The following SESN1 variants were observed in gnomAD, a reference collection of about 807,000 sequenced individuals.
SESN1 encodes the protein sestrin-1.
A neutral mutation model predicts 59.3 loss-of-function variants in SESN1; 30 were observed. The observed-to-expected ratio is 0.51, with a 90% CI of 0.38 to 0.69. SESN1 has a LOEUF of 0.69. Among genes scored for constraint, SESN1 ranks in the 30% least tolerant of loss-of-function variants. SESN1 has a pLI of 0.00. For synonymous variants in SESN1, 197 were observed against 219.9 expected (o/e 0.90, Z 0.92); for missense variants, 566 against 673.0 (o/e 0.84, Z 1.76).
intron 8 of SESN1, among the ~76,000 whole-genome samples, chr6:108,989,013 CTA>C (rs776841483): frequency 2.6e-5 from 4 of 152,064 alleles, no homozygotes; most frequent in Non-Finnish European, 5.9e-5. Flanking sequence ...GAGGAACAAA[CTA>C]TTATTGAGAC....
chr6:109,027,925 A>G (rs1274390323), intron 1 of SESN1, among the ~76,000 whole-genome samples: 1 of 151,984 alleles, frequency 6.6e-6, no homozygotes, highest in Non-Finnish European at 1.5e-5. Context: ...TGGGTTGGTT[A>G]TTTTCTTGTG....
At chr6:109,072,372 C>A (rs1250554421) in intron 1 of SESN1, among the ~76,000 whole-genome samples, 2 of 152,080 alleles carry the variant, frequency 1.3e-5, no homozygotes, top group African/African-American at 4.8e-5. Context: ...TAGTTTACAA[C>A]AAGTATGTTG....
intron 8 of SESN1, 25 bp downstream of exon 8, chr6:108,990,620 T>C: frequency 1.9e-6 from 3 of 1,610,796 alleles, no homozygotes; most frequent in Non-Finnish European, 2.5e-6. Context: ...AAACATCTCT[T>C]TATAAACACA....
Position 108,987,244 on chromosome 6 carries a change from A to C in SESN1, c.*300T>G, listed in dbSNP as rs1176851911. 3.8e-6 allele frequency: 1 copy of C among 263,152 alleles called. No homozygotes were observed. Among genetic ancestry groups the C allele is most frequent in the Non-Finnish European group, 7.1e-6 (1 of 140,596 alleles). 16.3% of individuals were successfully genotyped at this position (263,152 alleles called of 1,614,324 possible). ...TGTTATCTTATTTAACATAAAAGCAACAGGATTTGGAGAGTTACTATTTGC... is the reference window on the plus strand; with the variant it reads ...TGTTATCTTATTTAACATAAAAGCACCAGGATTTGGAGAGTTACTATTTGC... On this transcript the variant is annotated 3_prime_UTR_variant, in exon 10 of 10. Coordinates refer to ENST00000436639, the MANE Select transcript of SESN1 (RefSeq NM_014454.3).
chr6:109,013,953 A>AT (rs1285613223), intron 1 of SESN1, among the ~76,000 whole-genome samples: 1 of 150,254 alleles, frequency 6.7e-6, no homozygotes, highest in African/African-American at 2.4e-5. Flanking sequence ...TTTTGGGTAC[A>AT]TTAAGATCCT....
chr6:109,021,395 GAGTAGGGGAAA>G (rs988062045), intron 1 of SESN1, among the ~76,000 whole-genome samples: 4 of 152,100 alleles, frequency 2.6e-5, no homozygotes, highest in African/African-American at 9.7e-5. Flanking sequence ...TACAACCCTA[GAGTAGGGGAAA>G]AGTTTGGAGA....
At chr6:109,038,961 GAGA>G (rs775514476) in intron 1 of SESN1, among the ~76,000 whole-genome samples, 4 of 146,748 alleles carry the variant, frequency 2.7e-5, no homozygotes, top group Admixed American at 1.4e-4. Context: ...AGGGAGAAGG[GAGA>G]AGAAGGAAAA....
intron 1 of SESN1, among the ~76,000 whole-genome samples, chr6:109,058,527 T>C (rs1780674626): frequency 6.6e-6 from 1 of 152,158 alleles, no homozygotes; most frequent in East Asian, 1.9e-4. Context: ...CATCATTAGG[T>C]GATGCGTGAC....
At chr6:109,072,007 G>A (rs1346670457) in intron 1 of SESN1, among the ~76,000 whole-genome samples, 2 of 152,106 alleles carry the variant, frequency 1.3e-5, no homozygotes, top group Non-Finnish European at 2.9e-5. Context: ...CAGCTTAAGG[G>A]GTTCAGACAC....
chr6:108,996,859 A>T (rs950876257), intron 5 of SESN1, among the ~76,000 whole-genome samples: 8 of 152,194 alleles, frequency 5.3e-5, no homozygotes, highest in African/African-American at 1.7e-4. Flanking sequence ...ATTCAGTGCT[A>T]AAAAGAAATT....
chr6:109,008,694 A>G (rs1469751817), intron 1 of SESN1: 1 of 782,740 alleles, frequency 1.3e-6, no homozygotes, highest in Non-Finnish European at 1.6e-6. Flanking sequence ...TAACTTTCAA[A>G]TGGTTTCCTA....
At position 109,019,965 on chromosome 6, in the gene SESN1, C is replaced by T. The variant is rs115075357; in HGVS notation, c.280-17622G>A. 7.9e-3 allele frequency among the ~76,000 whole-genome samples: 1,200 copies of T among 152,232 alleles called. 21 individuals carry two copies. Among genetic ancestry groups the T allele is most frequent in the African/African-American group, 0.028 (1,154 of 41,536 alleles). ...TATACATAAGTGGGTTTTAAAAAAT[C>T]TAAACTTCAAAAGATGCCAGAAAAA... On this transcript the variant is annotated intron_variant, in intron 1 of 9. Coordinates refer to ENST00000436639, the MANE Select transcript of SESN1 (RefSeq NM_014454.3).
rs548653237 is a variant in SESN1, at chr6:109,025,581, C to T, written c.280-23238G>A. On this transcript the variant is annotated intron_variant, in intron 1 of 9. Coordinates refer to ENST00000436639, the MANE Select transcript of SESN1 (RefSeq NM_014454.3). ...AGATACAGAAGGCCAGTTCAATATGCTTTTTAAAACTTTAAAGGAAATAGA... is the reference window on the plus strand; with the variant it reads ...AGATACAGAAGGCCAGTTCAATATGTTTTTTAAAACTTTAAAGGAAATAGA... Among the ~76,000 whole-genome samples, 3 of 149,890 alleles carry T rather than the reference C, an allele frequency of 2.0e-5. No homozygotes were observed. In the East Asian group the frequency reaches 5.9e-4, roughly 29 times the overall value.
chr6:109,006,388 T>G (rs1164937389), intron 1 of SESN1, among the ~76,000 whole-genome samples: 4 of 152,128 alleles, frequency 2.6e-5, no homozygotes, highest in Non-Finnish European at 4.4e-5. Context: ...CATGTTGGTT[T>G]GCTGCACCCA....
intron 1 of SESN1, among the ~76,000 whole-genome samples, chr6:109,005,553 T>C (rs1045043948): frequency 2.0e-5 from 3 of 152,204 alleles, no homozygotes; most frequent in Non-Finnish European, 4.4e-5. Context: ...CAAATTATTA[T>C]AAAACAATAG....
intron 7 of SESN1, 49 bp from the exon 8 acceptor site, chr6:108,990,884 T>C (rs1779360990): frequency 6.7e-7 from 1 of 1,492,170 alleles, no homozygotes; most frequent in Non-Finnish European, 9.3e-7. Flanking sequence ...TCAAGTACAG[T>C]TCTATATCTA....
intron 8 of SESN1, among the ~76,000 whole-genome samples, chr6:108,989,536 TAG>T (rs1309130032): frequency 1.9e-5 from 2 of 103,834 alleles, no homozygotes; most frequent in Admixed American, 8.5e-5. Context: ...TCTATAGAGA[TAG>T]AGATATCTCT....
chr6:109,061,031 T>C (rs931258881), intron 1 of SESN1, among the ~76,000 whole-genome samples: 3 of 152,228 alleles, frequency 2.0e-5, no homozygotes, highest in Non-Finnish European at 4.4e-5. Flanking sequence ...TATGATTAAA[T>C]TGCTACTCAG....
At chr6:109,068,567 T>C (rs1271676337) in intron 1 of SESN1, among the ~76,000 whole-genome samples, 1 of 152,052 alleles carries the variant, frequency 6.6e-6, no homozygotes, top group Non-Finnish European at 1.5e-5. Context: ...CACTTAACTA[T>C]TGGTCAAAAA....
Sources: allele counts gnomAD v4.1 joint callset (sites outside exome capture counted in the v4.1 genomes callset), GRCh38; gene constraint gnomAD v4.1.1; transcripts MANE v1.5; gene names NCBI Gene and HGNC (gene_info 2026-07-23, HGNC 2026-07-21).